CCDC32: variants seen among roughly 807,000 people sequenced by gnomAD.
CCDC32 encodes coiled-coil domain containing 32.
A neutral mutation model predicts 20.1 loss-of-function variants in CCDC32; 9 were observed. The observed-to-expected ratio is 0.45, with a 90% CI of 0.27 to 0.78. The LOEUF (loss-of-function observed/expected upper bound fraction) is 0.78, where lower values mean the gene tolerates loss of function less well. Among genes scored for constraint, CCDC32 ranks in the 30% least tolerant of loss-of-function variants. The pLI is 0.16. For missense variants in CCDC32, 204 were observed against 215.5 expected (o/e 0.95, Z 0.33); for synonymous variants, 63 against 79.0 (o/e 0.80, Z 1.07).
At position 40,553,969 on chromosome 15, in the gene CCDC32, A is replaced by AGTGTGTGTGTGTGT. The variant is rs1890057613; in HGVS notation, c.*1_*2insACACACACACACAC. On this transcript the variant is annotated 3_prime_UTR_variant, in exon 4 of 4. Transcript: ENST00000416810. ...GTGTGTGTGTGTGTGTGTGTGTGTA[A>AGTGTGTGTGTGTGT]TTTACTGTTCTGCTGCTGCTGGCTT... The AGTGTGTGTGTGTGT allele has an allele frequency of 6.5e-7, 1 of 1,531,464 alleles. No homozygotes were observed. The highest frequency in any genetic ancestry group is 2.0e-5 in the Admixed American group (1 of 50,258). The allele number at this position is 1,531,464 out of a possible 1,614,324, so 94.9% of individuals were successfully genotyped here.
downstream of CCDC32, chr15:40,535,686 G>A: frequency 2.1e-6 from 2 of 975,486 alleles, no homozygotes; most frequent in Non-Finnish European, 2.4e-6. Context: ...CAAAAGCAGG[G>A]AAGTCATCAG....
downstream of CCDC32, chr15:40,536,059 C>G (rs1270775476): frequency 1.3e-5 from 2 of 152,316 alleles, no homozygotes; most frequent in African/African-American, 4.8e-5. Flanking sequence ...TTCAGCCCTT[C>G]CCCAGTCTCA....
At chr15:40,558,808 T>TTC (rs1555415032) in intron 2 of CCDC32, among the ~76,000 whole-genome samples, 5 of 150,988 alleles carry the variant, frequency 3.3e-5, no homozygotes, top group Admixed American at 3.3e-4. Context: ...CTTTCTTTCT[T>TTC]TTTTTTTTTG....
At chr15:40,528,320 T>G (rs891696508), downstream of CCDC32, among the ~76,000 whole-genome samples, 30 of 152,082 alleles carry the variant, frequency 2.0e-4, 1 homozygote, top group Non-Finnish European at 4.3e-4. Flanking sequence ...CTTCTCTAAA[T>G]CAAAAAGTTA....
At position 40,542,773 on chromosome 15, in the gene CCDC32, G is replaced by A. The variant is rs143690047; in HGVS notation, c.402-3418C>T. Among the ~76,000 whole-genome samples the A allele has an allele frequency of 3.0e-4, 46 of 152,056 alleles. No individual in the cohort carries two copies. The East Asian group carries it at 6.4e-3, about 21-fold the overall frequency. On this transcript the variant is annotated intron_variant, in intron 3 of 3. Coordinates refer to the CCDC32 transcript ENST00000558113. ...AGTCCCAGCTACTCAGGAGGTTGAG[G>A]CAGGAGAATGGTGTGAACCCGGGAG...
At chr15:40,523,226 T>G in the CCDC32 span, among the ~76,000 whole-genome samples, 1,681 of 150,448 alleles carry the variant, frequency 0.011, 30 homozygotes, top group African/African-American at 0.039. Flanking sequence ...GGATAAGCGC[T>G]GGGCGCGGTG....
chr15:40,545,611 G>C (rs1889586474), intron 3 of CCDC32, among the ~76,000 whole-genome samples: 1 of 152,182 alleles, frequency 6.6e-6, no homozygotes, highest in Non-Finnish European at 1.5e-5. Context: ...GGAGGCTAGG[G>C]AATCGAGGAG....
At chr15:40,541,493 G>A (rs945153795) in intron 3 of CCDC32, among the ~76,000 whole-genome samples, 2 of 152,030 alleles carry the variant, frequency 1.3e-5, no homozygotes, top group Non-Finnish European at 2.9e-5. Flanking sequence ...CCACCAACCC[G>A]GCTAATTTTT....
At chr15:40,539,923 A>G (rs1889317954) in intron 3 of CCDC32, among the ~76,000 whole-genome samples, 1 of 150,944 alleles carries the variant, frequency 6.6e-6, no homozygotes, top group Admixed American at 6.7e-5. Flanking sequence ...CAAACTCATC[A>G]TAAATACCTA....
chr15:40,532,714 CTT>C (rs1189285245), downstream of CCDC32, among the ~76,000 whole-genome samples: 1,593 of 91,494 alleles, frequency 0.017, 42 homozygotes, highest in African/African-American at 0.061. Context: ...TGTTTTCTTT[CTT>C]TTTTTTTTTT....
At chr15:40,539,091 A>C, downstream of CCDC32, 1 of 652,710 alleles carries the variant, frequency 1.5e-6, no homozygotes, top group Non-Finnish European at 2.6e-6. Context: ...CCCTTTCTTC[A>C]TTCAGCCCAG....
Position 40,553,169 on chromosome 15 carries a change from G to A in CCDC32, c.*802C>T. 1.0e-6 allele frequency: 1 copy of A among 985,412 alleles called. No homozygotes were observed. The highest frequency in any genetic ancestry group is 1.2e-6 in the Non-Finnish European group (1 of 829,974). The allele number at this position is 985,412 out of a possible 1,614,324, so 61.0% of individuals were successfully genotyped here. On this transcript the variant is annotated 3_prime_UTR_variant, in exon 4 of 4. Coordinates refer to ENST00000416810, the MANE Select transcript of CCDC32 (RefSeq NM_001080792.4). ...CACAATAAACAGGGAGGGAAGCTCG[G>A]GCTCAGCCAGGAAACCTGCCACAAG...
downstream of CCDC32, chr15:40,535,299 T>C (rs1889064099): frequency 7.8e-7 from 1 of 1,283,382 alleles, no homozygotes; most frequent in African/African-American, 1.5e-5. Context: ...GAGCACCTTG[T>C]AGGTGATGAG....
downstream of CCDC32, among the ~76,000 whole-genome samples, chr15:40,524,282 G>A (rs113660317): frequency 0.27 from 40,113 of 149,200 alleles, 6,585 homozygotes; most frequent in Middle Eastern, 0.38. Flanking sequence ...TCAGCCTCCC[G>A]AGTAGCTGGG....
the CCDC32 span, among the ~76,000 whole-genome samples, chr15:40,522,281 T>A: frequency 6.6e-6 from 1 of 152,224 alleles, no homozygotes; most frequent in Non-Finnish European, 1.5e-5. Context: ...TGAAAGGGTA[T>A]ACTTCTGGAC....
chr15:40,531,569 A>C (rs1888879143), downstream of CCDC32: 2 of 152,122 alleles, frequency 1.3e-5, no homozygotes, highest in Admixed American at 1.3e-4. Flanking sequence ...TCATTCCCAC[A>C]AGACTAGCGC....
intron 2 of CCDC32, chr15:40,557,987 G>T (rs992269766): frequency 1.3e-5 from 2 of 152,124 alleles, no homozygotes; most frequent in African/African-American, 4.8e-5. Context: ...CTAGATGTTG[G>T]AGTCTAATAA....
intron 2 of CCDC32, among the ~76,000 whole-genome samples, chr15:40,560,901 A>G (rs1292870272): frequency 6.6e-6 from 1 of 152,262 alleles, no homozygotes; most frequent in African/African-American, 2.4e-5. Context: ...TCGTTATATC[A>G]AAAAGATACC....
downstream of CCDC32, chr15:40,535,440 C>T: frequency 1.0e-6 from 1 of 997,860 alleles, no homozygotes; most frequent in Non-Finnish European, 1.2e-6. Flanking sequence ...AGCATTCTCT[C>T]ATTTGATCTA....
Sources: gnomAD v4.1 joint callset for allele counts (sites outside exome capture counted in the v4.1 genomes callset) on GRCh38, gnomAD v4.1.1 for gene constraint, MANE v1.5 for transcripts, NCBI Gene and HGNC (gene_info 2026-07-23, HGNC 2026-07-21) for gene names.